Variants in PDE4B observed in about 807,000 individuals in gnomAD.
The protein encoded by PDE4B is 3',5'-cyclic-AMP phosphodiesterase 4B.
In PDE4B, 20 loss-of-function variants were observed where a neutral mutation model predicts 82.2. That is an observed-to-expected ratio of 0.24 (90% CI 0.17 to 0.35). PDE4B has a LOEUF of 0.35. PDE4B is among the 10% of genes least tolerant of loss of function. The pLI, the probability that PDE4B is intolerant of heterozygous loss-of-function variation, is 1.00. For synonymous variants in PDE4B, 320 were observed against 318.9 expected (o/e 1.00, Z -0.04); for missense variants, 655 against 907.2 (o/e 0.72, Z 3.57).
intron 7 of PDE4B, among the ~76,000 whole-genome samples, chr1:66,331,518 G>A (rs1660105251): frequency 6.6e-6 from 1 of 152,094 alleles, no homozygotes; most frequent in Non-Finnish European, 1.5e-5. Context: ...TTAAGGATAT[G>A]TAAAAAGAAT....
At chr1:65,890,691 T>A (rs1373194187) in intron 1 of PDE4B, among the ~76,000 whole-genome samples, 2 of 151,936 alleles carry the variant, frequency 1.3e-5, no homozygotes, top group Non-Finnish European at 2.9e-5. Context: ...AGAATTTGGA[T>A]ACATGGAGGA....
chr1:65,932,285 G>A (rs1467433479), intron 3 of PDE4B, among the ~76,000 whole-genome samples: 1 of 151,968 alleles, frequency 6.6e-6, no homozygotes, highest in Non-Finnish European at 1.5e-5. Context: ...TGTGTGTCAT[G>A]GGAAGAGTTG....
chr1:65,942,249 A>C (rs1557447819), intron 3 of PDE4B, among the ~76,000 whole-genome samples: 1 of 151,294 alleles, frequency 6.6e-6, no homozygotes, highest in African/African-American at 2.4e-5. Context: ...ATTTTTTTAC[A>C]CTCCATATAT....
intron 7 of PDE4B, among the ~76,000 whole-genome samples, chr1:66,290,268 A>G (rs941778199): frequency 2.6e-5 from 4 of 152,182 alleles, no homozygotes; most frequent in Non-Finnish European, 5.9e-5. Flanking sequence ...CACCTGGTGA[A>G]AGAAGAAGAA....
chr1:65,810,717 A>G (rs1645808801), intron 1 of PDE4B, among the ~76,000 whole-genome samples: 2 of 152,102 alleles, frequency 1.3e-5, no homozygotes, highest in Non-Finnish European at 1.5e-5. Context: ...CTTACCTACC[A>G]CATTGACTTG....
chr1:66,146,214 C>CCCAA (rs1646268154), intron 3 of PDE4B, among the ~76,000 whole-genome samples: 1 of 114,140 alleles, frequency 8.8e-6, no homozygotes, highest in Non-Finnish European at 1.7e-5. Context: ...GACGGAGTCT[C>CCCAA]ACTCTGTCCC....
intron 3 of PDE4B, among the ~76,000 whole-genome samples, chr1:66,007,978 T>C (rs1368517014): frequency 1.3e-5 from 2 of 152,122 alleles, no homozygotes; most frequent in Admixed American, 1.3e-4. Context: ...CAGAGGTATA[T>C]CATTACACAA....
chr1:66,342,047 C>T (rs1269699574), intron 8 of PDE4B, among the ~76,000 whole-genome samples: 2 of 152,060 alleles, frequency 1.3e-5, no homozygotes, highest in African/African-American at 4.8e-5. Context: ...TAAAATCAGT[C>T]TTAGTATGTG....
chr1:65,818,626 A>C (rs985744181), intron 1 of PDE4B, among the ~76,000 whole-genome samples: 2 of 150,500 alleles, frequency 1.3e-5, no homozygotes, highest in African/African-American at 4.9e-5. Flanking sequence ...CTTATTATAC[A>C]ATGAATGTTT....
At chr1:65,846,657 A>C (rs1194994986) in intron 1 of PDE4B, among the ~76,000 whole-genome samples, 1 of 152,210 alleles carries the variant, frequency 6.6e-6, no homozygotes, top group African/African-American at 2.4e-5. Flanking sequence ...TGTTGCCTAC[A>C]TTGTATTTCC....
At chr1:66,279,236 G>A (rs1020233598) in intron 7 of PDE4B, among the ~76,000 whole-genome samples, 3 of 152,014 alleles carry the variant, frequency 2.0e-5, no homozygotes, top group Middle Eastern at 3.2e-3. Flanking sequence ...TATGTCATGG[G>A]CATAAGTTCT....
chr1:66,009,249 A>C (rs937587223), intron 3 of PDE4B, among the ~76,000 whole-genome samples: 9 of 152,158 alleles, frequency 5.9e-5, no homozygotes, highest in Admixed American at 4.6e-4. Context: ...AGCAAATCCT[A>C]TCAGCTCAAC....
At chr1:65,966,073 A>G (rs960737536) in intron 3 of PDE4B, among the ~76,000 whole-genome samples, 1 of 152,206 alleles carries the variant, frequency 6.6e-6, no homozygotes, top group Non-Finnish European at 1.5e-5. Context: ...GAAAGAAATA[A>G]AGGGTATTCA....
rs80107371 is a variant in PDE4B at position 66,236,076 on chromosome 1, A to G, written c.282-11384A>G. Among the ~76,000 whole-genome samples the G allele has an allele frequency of 3.2e-3, 488 of 152,346 alleles. 1 individual carries two copies. Among genetic ancestry groups the G allele is most frequent in the Non-Finnish European group, 4.5e-3 (307 of 68,030 alleles). On this transcript the variant is annotated intron_variant, in intron 3 of 16. Transcript: ENST00000341517. ...AAAAGTACAGAGGAAGTTTCAGGCT[A>G]AATTTAGCGGTTCATTATATGCTTT... is the stretch of plus-strand genomic sequence containing the variant.
chr1:65,827,061 AT>A lies in PDE4B; in HGVS notation c.-71+33815del, dbSNP rs766646932. On this transcript the variant is annotated intron_variant, in intron 1 of 16. Coordinates refer to ENST00000341517, the MANE Select transcript of PDE4B (RefSeq NM_002600.4). ...TCACTAGAGAAATTTGAATTCTGAA[AT>A]TCACTGCGTGTAATCATAGCAACTG... Among the ~76,000 whole-genome samples, 581 of 152,326 alleles carry A rather than the reference AT, an allele frequency of 3.8e-3. 8 individuals carry two copies. Among genetic ancestry groups the A allele is most frequent in the East Asian group, 0.012 (63 of 5,188 alleles).
In PDE4B at chr1:66,325,859, G is replaced by A. The variant is rs147813118; in HGVS notation, c.635-6649G>A. On this transcript the variant is annotated intron_variant, in intron 7 of 16. Transcript: ENST00000341517. ...CCGGATGCTGTACCAAAGGCTTGGC[G>A]TATACTGATTCACTTAATTCTCACA... Among the ~76,000 whole-genome samples the A allele has an allele frequency of 8.9e-4, 135 of 152,294 alleles. 1 individual carries two copies. Among genetic ancestry groups the A allele is most frequent in the Non-Finnish European group, 1.5e-3 (101 of 68,014 alleles).
At chr1:66,338,204 A>T (rs1660670641) in intron 8 of PDE4B, among the ~76,000 whole-genome samples, 1 of 152,244 alleles carries the variant, frequency 6.6e-6, no homozygotes, top group African/African-American at 2.4e-5. Context: ...AGTTGAAATA[A>T]CTTGCTTAAG....
chr1:66,108,072 A>C (rs1052415614), intron 3 of PDE4B, among the ~76,000 whole-genome samples: 3 of 151,964 alleles, frequency 2.0e-5, no homozygotes, highest in Admixed American at 6.6e-5. Flanking sequence ...TGTAGTGAGA[A>C]TATTTAAAGT....
chr1:65,810,257 A>G (rs1290632526), intron 1 of PDE4B, among the ~76,000 whole-genome samples: 1 of 152,248 alleles, frequency 6.6e-6, no homozygotes, highest in Non-Finnish European at 1.5e-5. Context: ...AAGTACCTTT[A>G]TAAAGATTTT....
Sources: gnomAD v4.1 joint callset for allele counts (sites outside exome capture counted in the v4.1 genomes callset) on GRCh38, gnomAD v4.1.1 for gene constraint, MANE v1.5 for transcripts, NCBI Gene and HGNC (gene_info 2026-07-23, HGNC 2026-07-21) for gene names.